The following SEMA5A variants were observed in gnomAD, a reference collection of about 807,000 sequenced individuals.
SEMA5A encodes the protein semaphorin 5A.
SEMA5A carries 55 observed loss-of-function variants against 135.5 expected under a neutral mutation model. The observed-to-expected ratio is 0.41, with a 90% confidence interval of 0.33 to 0.51. The LOEUF is 0.51. Ranked by LOEUF, SEMA5A falls within the 20% of genes least tolerant of loss-of-function variation. The pLI is 0.37. For missense variants in SEMA5A, 1,290 were observed against 1,419.9 expected (o/e 0.91, Z 1.47); for synonymous variants, 580 against 546.5 (o/e 1.06, Z -0.85).
chr5:9,239,435 C>T (rs1748083748), intron 5 of SEMA5A, among the ~76,000 whole-genome samples: 1 of 152,100 alleles, frequency 6.6e-6, no homozygotes, highest in Non-Finnish European at 1.5e-5. Flanking sequence ...AACAGCCTCC[C>T]ATACAGTTGC....
At chr5:9,505,760 C>G (rs1735849238) in intron 1 of SEMA5A, among the ~76,000 whole-genome samples, 1 of 152,194 alleles carries the variant, frequency 6.6e-6, no homozygotes, top group African/African-American at 2.4e-5. Context: ...TGATTTATTT[C>G]TAACTGCTGC....
chr5:9,336,766 G>A (rs1366321632), intron 4 of SEMA5A, among the ~76,000 whole-genome samples: 1 of 152,138 alleles, frequency 6.6e-6, no homozygotes, highest in Non-Finnish European at 1.5e-5. Flanking sequence ...AGAGTGCCCA[G>A]ACTATAAGCT....
intron 16 of SEMA5A, among the ~76,000 whole-genome samples, chr5:9,096,154 A>T (rs1397159338): frequency 1.3e-5 from 2 of 152,054 alleles, no homozygotes; most frequent in Admixed American, 1.3e-4. Flanking sequence ...CATTCTTTAC[A>T]CCCTCACCAG....
chr5:9,190,539 C>T lies in SEMA5A; in HGVS notation c.1069-68G>A, dbSNP rs1691781539. The T allele has an allele frequency of 8.1e-6, 12 of 1,472,850 alleles. No individual in the cohort carries two copies. In the South Asian group the frequency reaches 1.3e-4, roughly 15 times the overall value. The allele number at this position is 1,472,850 out of a possible 1,614,324, so 91.2% of individuals were successfully genotyped here. Reference sequence around the variant, plus strand: ...GACACCCACAGCTGGCTGTGGCCACCCTAGCTGGAAAGTAACTTGGAAATC... The same window carrying T: ...GACACCCACAGCTGGCTGTGGCCACTCTAGCTGGAAAGTAACTTGGAAATC... On this transcript the variant is annotated intron_variant, in intron 10 of 22. Transcript: ENST00000382496.
chr5:9,169,646 C>A (rs370553070), intron 11 of SEMA5A, among the ~76,000 whole-genome samples: 8 of 152,274 alleles, frequency 5.3e-5, no homozygotes, highest in Non-Finnish European at 1.0e-4. Flanking sequence ...CATAGTCAGA[C>A]GCTCTCCCAC....
At chr5:9,538,625 G>C (rs1737907253) in intron 1 of SEMA5A, among the ~76,000 whole-genome samples, 1 of 152,210 alleles carries the variant, frequency 6.6e-6, no homozygotes, top group South Asian at 2.1e-4. Context: ...ACTGGGAATT[G>C]GGGTGTACCC....
At chr5:9,251,537 G>T (rs1230151727) in intron 5 of SEMA5A, among the ~76,000 whole-genome samples, 1 of 152,060 alleles carries the variant, frequency 6.6e-6, no homozygotes, top group African/African-American at 2.4e-5. Context: ...CTCAAGTTTT[G>T]ACTATGACTA....
intron 2 of SEMA5A, among the ~76,000 whole-genome samples, chr5:9,384,420 C>T (rs10051057): frequency 0.16 from 23,632 of 151,800 alleles, 2,042 homozygotes; most frequent in African/African-American, 0.21. Flanking sequence ...GCAGCATCCC[C>T]GGCCTGTACC....
intron 2 of SEMA5A, among the ~76,000 whole-genome samples, chr5:9,427,692 C>T (rs181594161): frequency 7.5e-4 from 114 of 152,212 alleles, no homozygotes; most frequent in Non-Finnish European, 6.2e-4. Context: ...CCATACTGTG[C>T]GTGTGTGTAT....
intron 1 of SEMA5A, among the ~76,000 whole-genome samples, chr5:9,528,695 C>T (rs909870483): frequency 6.6e-6 from 1 of 152,222 alleles, no homozygotes; most frequent in African/African-American, 2.4e-5. Context: ...AGGAGAACCA[C>T]TCAGCTGAGC....
intron 2 of SEMA5A, among the ~76,000 whole-genome samples, chr5:9,409,269 C>T (rs1757014723): frequency 6.6e-6 from 1 of 152,196 alleles, no homozygotes; most frequent in African/African-American, 2.4e-5. Flanking sequence ...TAATCATTCA[C>T]CCAAACACGC....
At chr5:9,102,605 C>T (rs1240608456) in intron 16 of SEMA5A, among the ~76,000 whole-genome samples, 1 of 152,034 alleles carries the variant, frequency 6.6e-6, no homozygotes, top group Non-Finnish European at 1.5e-5. Context: ...ATTATTTATA[C>T]TTACTAAAAC....
At chr5:9,208,009 C>A (rs2150381198) in intron 8 of SEMA5A, among the ~76,000 whole-genome samples, 1 of 152,212 alleles carries the variant, frequency 6.6e-6, no homozygotes, top group African/African-American at 2.4e-5. Context: ...ATACATGGCT[C>A]AATACTTCCA....
intron 1 of SEMA5A, among the ~76,000 whole-genome samples, chr5:9,447,637 G>T (rs1207265312): frequency 6.6e-6 from 1 of 152,136 alleles, no homozygotes; most frequent in Non-Finnish European, 1.5e-5. Context: ...ATCCCTGAGT[G>T]TGTCGCACAA....
intron 2 of SEMA5A, among the ~76,000 whole-genome samples, chr5:9,420,942 G>A (rs570679056): frequency 2.9e-4 from 44 of 152,328 alleles, no homozygotes; most frequent in East Asian, 9.6e-4. Context: ...CTTGAACCCC[G>A]GAGGGGTAGG....
At chr5:9,398,485 A>C (rs988616212) in intron 2 of SEMA5A, among the ~76,000 whole-genome samples, 4 of 152,232 alleles carry the variant, frequency 2.6e-5, no homozygotes, top group Non-Finnish European at 4.4e-5. Context: ...ATTCTCACAG[A>C]TTGGAACAGA....
chr5:9,466,953 A>G (rs1222648447), intron 1 of SEMA5A, among the ~76,000 whole-genome samples: 2 of 152,226 alleles, frequency 1.3e-5, no homozygotes, highest in Non-Finnish European at 2.9e-5. Context: ...AACAATGCAG[A>G]GAAGAGTTTT....
chr5:9,169,331 C>G (rs904015395), intron 11 of SEMA5A, among the ~76,000 whole-genome samples: 1 of 152,156 alleles, frequency 6.6e-6, no homozygotes, highest in African/African-American at 2.4e-5. Context: ...ATAATAACCA[C>G]CTCTTAAGTT....
intron 1 of SEMA5A, among the ~76,000 whole-genome samples, chr5:9,514,356 G>A (rs770203160): frequency 6.6e-6 from 1 of 152,024 alleles, no homozygotes; most frequent in Non-Finnish European, 1.5e-5. Context: ...CAACTTCCAG[G>A]GATTAGGACA....
Sources: allele counts gnomAD v4.1 joint callset (sites outside exome capture counted in the v4.1 genomes callset), GRCh38; gene constraint gnomAD v4.1.1; transcripts MANE v1.5; gene names NCBI Gene and HGNC (gene_info 2026-07-23, HGNC 2026-07-21).